The following VWF variants were observed in gnomAD, a reference collection of about 807,000 sequenced individuals.
VWF encodes the protein von Willebrand factor.
Under a neutral mutation model 308.6 loss-of-function variants are expected in VWF, and 176 were observed. The ratio of observed to expected loss-of-function variants is 0.57; its 90% CI spans 0.50 to 0.65. The LOEUF (loss-of-function observed/expected upper bound fraction) is 0.65, where lower values mean the gene tolerates loss of function less well. Ranked by LOEUF, VWF falls within the 30% of genes least tolerant of loss-of-function variation. The pLI, the probability that VWF is intolerant of heterozygous loss-of-function variation, is 0.00. For missense variants in VWF, 3,146 were observed against 3,648.2 expected (o/e 0.86, Z 3.55); for synonymous variants, 1,385 against 1,443.4 (o/e 0.96, Z 0.92).
Position 6,092,616 on chromosome 12 carries a change from AGAGTGTGTGT to A in VWF, c.657+2834_657+2843del, listed in dbSNP as rs759428916. ...TGCCCAGCTAGTTAGTGAGTGAGTGAGAGTGTGTGTGTGTGTGTGTGTGTGTGTGTGTGTG... is the reference window on the plus strand; with the variant it reads ...TGCCCAGCTAGTTAGTGAGTGAGTGAGTGTGTGTGTGTGTGTGTGTGTGTG... On this transcript the variant is annotated intron_variant, in intron 6 of 51. Coordinates refer to ENST00000261405, the MANE Select transcript of VWF (RefSeq NM_000552.5). Among the ~76,000 whole-genome samples the A allele has an allele frequency of 1.9e-3, 182 of 96,666 alleles. 6 individuals carry two copies. The highest frequency in any genetic ancestry group is 3.2e-3 in the Admixed American group (34 of 10,568). The allele number at this position is 96,666 out of a possible 152,430, so 63.4% of individuals were successfully genotyped here.
intron 47 of VWF, chr12:5,953,833 C>A: frequency 1.9e-6 from 1 of 525,668 alleles, no homozygotes; most frequent in East Asian, 3.3e-5. Context: ...TAAATGAGAC[C>A]TTTTCCCTGA....
intron 28 of VWF, 103 bp downstream of exon 28, chr12:6,018,262 G>C (rs1166136684): frequency 6.9e-7 from 1 of 1,439,606 alleles, no homozygotes; most frequent in Non-Finnish European, 9.4e-7. Flanking sequence ...GACCAGGGAA[G>C]CCAGGATTAG....
intron 5 of VWF, among the ~76,000 whole-genome samples, chr12:6,109,220 C>T (rs1407847111): frequency 6.6e-6 from 1 of 151,664 alleles, no homozygotes; most frequent in Non-Finnish European, 1.5e-5. Context: ...TCTCTAAATA[C>T]ACACACACAG....
intron 10 of VWF, among the ~76,000 whole-genome samples, chr12:6,067,039 C>T (rs1422641714): frequency 6.6e-6 from 1 of 152,180 alleles, no homozygotes; most frequent in Non-Finnish European, 1.5e-5. Context: ...GGAAAGGCCC[C>T]AGATCACTCC....
At chr12:5,982,280 G>A (rs753280507) in intron 41 of VWF, among the ~76,000 whole-genome samples, 12 of 152,152 alleles carry the variant, frequency 7.9e-5, no homozygotes, top group Non-Finnish European at 1.8e-4. Flanking sequence ...TCTGGAAGGG[G>A]CGGGTTCCTT....
At chr12:6,109,808 G>A (rs375037432) in intron 5 of VWF, among the ~76,000 whole-genome samples, 3 of 152,102 alleles carry the variant, frequency 2.0e-5, no homozygotes, top group Admixed American at 6.5e-5. Flanking sequence ...CCGCCACCAC[G>A]CCTGGCTAAT....
At chr12:5,983,520 A>G (rs1341422965) in intron 40 of VWF, among the ~76,000 whole-genome samples, 1 of 118,428 alleles carries the variant, frequency 8.4e-6, no homozygotes, top group African/African-American at 2.6e-5. Context: ...AACTAGGTAC[A>G]TTAGATAGAT....
intron 34 of VWF, among the ~76,000 whole-genome samples, chr12:6,004,291 T>C (rs1457257793): frequency 6.6e-6 from 1 of 151,956 alleles, no homozygotes; most frequent in Non-Finnish European, 1.5e-5. Context: ...TCAAATAATA[T>C]ACCATATCAA....
At chr12:5,950,720 C>A (rs1943180646) in intron 50 of VWF, among the ~76,000 whole-genome samples, 1 of 151,954 alleles carries the variant, frequency 6.6e-6, no homozygotes, top group Non-Finnish European at 1.5e-5. Flanking sequence ...ATTTAAGGCC[C>A]TGAGCCTGGC....
chr12:6,016,744 G>C lies in VWF; in HGVS notation c.5170+10C>G, dbSNP rs61750601. On this transcript the variant is annotated intron_variant, in intron 29 of 51. Coordinates refer to ENST00000261405, the MANE Select transcript of VWF (RefSeq NM_000552.5). ...CGTCACCTGCTGCTTCAGGTGCCTCGCTCACCCACCTATATTGGCTTTTGA... is the reference window on the plus strand; with the variant it reads ...CGTCACCTGCTGCTTCAGGTGCCTCCCTCACCCACCTATATTGGCTTTTGA... 37 of 1,614,122 alleles carry C rather than the reference G, an allele frequency of 2.3e-5. No individual in the cohort carries two copies. The highest frequency in any genetic ancestry group is 3.1e-5 in the Non-Finnish European group (36 of 1,179,994).
chr12:6,038,354 G>C (rs1026773210), intron 18 of VWF, among the ~76,000 whole-genome samples: 1 of 152,240 alleles, frequency 6.6e-6, no homozygotes, highest in Non-Finnish European at 1.5e-5. Context: ...TACCATGTGG[G>C]ACAGAAGTGC....
At position 6,046,063 on chromosome 12, in the gene VWF, A is replaced by G. The variant is rs1944443805; in HGVS notation, c.2281+660T>C. ...CATGGCAAAACCCCGTCTCTACTAA[A>G]AATACAAAAAATTAGCCAGGTGTGG... On this transcript the variant is annotated intron_variant, in intron 17 of 51. Coordinates refer to ENST00000261405, the MANE Select transcript of VWF (RefSeq NM_000552.5). The surrounding 1 kb of genome is among the most constrained non-coding windows in gnomAD (Gnocchi z 5.0). 6.6e-6 allele frequency among the ~76,000 whole-genome samples: 1 copy of G among 152,130 alleles called. No homozygotes were observed. Among genetic ancestry groups the G allele is most frequent in the Non-Finnish European group, 1.5e-5 (1 of 68,024 alleles).
chr12:6,067,515 A>T (rs1944729692), intron 10 of VWF, among the ~76,000 whole-genome samples: 1 of 152,176 alleles, frequency 6.6e-6, no homozygotes, highest in Non-Finnish European at 1.5e-5. Flanking sequence ...TGTGTTCCCA[A>T]GTTTCTCGCA....
At position 5,994,222 on chromosome 12, in the gene VWF, A is replaced by G. The variant is rs71579346; in HGVS notation, c.6257-19T>C. Reference sequence around the variant, plus strand: ...CAGATCCCTAGAGAAACAAACAAACAAAAAAAAGATAAACTGAGTGGCCCT... The same window carrying G: ...CAGATCCCTAGAGAAACAAACAAACGAAAAAAAGATAAACTGAGTGGCCCT... On this transcript the variant is annotated intron_variant, in intron 36 of 51. Coordinates refer to ENST00000261405, the MANE Select transcript of VWF (RefSeq NM_000552.5). 2.3e-4 allele frequency: 370 copies of G among 1,609,842 alleles called. No homozygotes were observed. Among genetic ancestry groups the G allele is most frequent in the Admixed American group, 4.0e-4 (24 of 59,946 alleles).
chr12:6,079,394 C>T (rs544572571), intron 6 of VWF, among the ~76,000 whole-genome samples: 18 of 152,194 alleles, frequency 1.2e-4, no homozygotes, highest in Admixed American at 5.2e-4. Context: ...ATCAAGAGGT[C>T]AGGAGATCAA....
chr12:5,969,842 C>A (rs891526210), intron 44 of VWF, among the ~76,000 whole-genome samples: 1 of 152,220 alleles, frequency 6.6e-6, no homozygotes, highest in Non-Finnish European at 1.5e-5. Flanking sequence ...GCCCTGCAAT[C>A]TGTCCACGAA....
chr12:6,047,790 C>A (rs184352149), intron 16 of VWF, among the ~76,000 whole-genome samples: 1 of 152,380 alleles, frequency 6.6e-6, no homozygotes, highest in East Asian at 1.9e-4. Context: ...TTGTCTGTGA[C>A]TTCTGTTGCA....
intron 49 of VWF, 59 bp downstream of exon 49, chr12:5,952,332 A>C: frequency 6.2e-7 from 1 of 1,610,420 alleles, no homozygotes; most frequent in Non-Finnish European, 8.5e-7. Context: ...CACACTATTC[A>C]GAAGAATCTT....
intron 3 of VWF, among the ~76,000 whole-genome samples, chr12:6,119,755 T>C (rs911683349): frequency 3.3e-5 from 5 of 152,134 alleles, no homozygotes; most frequent in Non-Finnish European, 5.9e-5. Flanking sequence ...GGCAGGAGAA[T>C]TGCTTGAACC....
Sources: gnomAD v4.1 joint callset for allele counts (sites outside exome capture counted in the v4.1 genomes callset) on GRCh38, gnomAD v4.1.1 for gene constraint, Gnocchi (gnomAD v3.1) non-coding constraint, MANE v1.5 for transcripts, NCBI Gene and HGNC (gene_info 2026-07-23, HGNC 2026-07-21) for gene names.